The following NUMB variants were observed in gnomAD, a reference collection of about 807,000 sequenced individuals.
NUMB encodes NUMB endocytic adaptor protein, also known as protein numb homolog.
Under a neutral mutation model 59.7 loss-of-function variants are expected in NUMB, and 29 were observed. That is an observed-to-expected ratio of 0.49 (90% CI 0.36 to 0.66). NUMB has a LOEUF of 0.66. NUMB is among the 30% of genes least tolerant of loss of function. The pLI is 0.00. For synonymous variants in NUMB, 288 were observed against 288.2 expected (o/e 1.00, Z 0.01); for missense variants, 723 against 822.0 (o/e 0.88, Z 1.47).
chr14:73,449,709 T>TTTA (rs1883793463), intron 1 of NUMB, among the ~76,000 whole-genome samples: 1 of 105,594 alleles, frequency 9.5e-6, no homozygotes, highest in African/African-American at 3.9e-5. Flanking sequence ...GTGTTTGTTT[T>TTTA]TTGATACAGA....
At chr14:73,406,692 T>C (rs1345218542) in intron 2 of NUMB, among the ~76,000 whole-genome samples, 1 of 152,198 alleles carries the variant, frequency 6.6e-6, no homozygotes, top group East Asian at 1.9e-4. Context: ...GATGGTTGAC[T>C]AGTTTACACT....
chr14:73,437,155 C>T (rs921727025), intron 1 of NUMB, among the ~76,000 whole-genome samples: 2 of 150,234 alleles, frequency 1.3e-5, no homozygotes, highest in African/African-American at 4.9e-5. Flanking sequence ...AAGTGATCCT[C>T]CCACCTCAGC....
At chr14:73,450,621 C>T (rs1361681340) in intron 1 of NUMB, among the ~76,000 whole-genome samples, 1 of 151,588 alleles carries the variant, frequency 6.6e-6, no homozygotes, top group Non-Finnish European at 1.5e-5. Flanking sequence ...ATGGCGGAAC[C>T]CTGTTTCTAC....
chr14:73,391,996 C>A (rs1469362395), intron 2 of NUMB, among the ~76,000 whole-genome samples: 1 of 152,132 alleles, frequency 6.6e-6, no homozygotes, highest in African/African-American at 2.4e-5. Flanking sequence ...CTAAATCACC[C>A]AAGCCAGTCC....
intron 4 of NUMB, among the ~76,000 whole-genome samples, chr14:73,331,953 A>G (rs1041667832): frequency 6.6e-5 from 10 of 152,186 alleles, no homozygotes; most frequent in Admixed American, 2.6e-4. Context: ...CCCCAGCCGT[A>G]TTACTATCCT....
In NUMB at chr14:73,333,388, A is replaced by C. The variant is rs2214664; in HGVS notation, c.127-10184T>G. Among the ~76,000 whole-genome samples, 977 of 151,872 alleles carry C rather than the reference A, an allele frequency of 6.4e-3. 5 individuals are homozygous for C. Among genetic ancestry groups the C allele is most frequent in the African/African-American group, 0.023 (950 of 41,414 alleles). ...GCTAGCTGTATATCTTCTTTAGGTA[A>C]ATTTCTTTTTTTTTATTTTTTAAAT... On this transcript the variant is annotated intron_variant, in intron 4 of 12. Transcript: ENST00000555238.
At chr14:73,377,827 T>C (rs1895028077) in intron 2 of NUMB, among the ~76,000 whole-genome samples, 2 of 151,994 alleles carry the variant, frequency 1.3e-5, no homozygotes, top group South Asian at 4.2e-4. Context: ...ATTAGCCAGG[T>C]GTGTTGGCGG....
chr14:73,367,318 C>CATAT (rs1390209129), intron 2 of NUMB, among the ~76,000 whole-genome samples: 33 of 119,012 alleles, frequency 2.8e-4, no homozygotes, highest in Non-Finnish European at 4.5e-4. Flanking sequence ...CACACACACA[C>CATAT]ACACATATAT....
chr14:73,395,037 T>TTATGTGTG (rs1230785169), intron 2 of NUMB, among the ~76,000 whole-genome samples: 3,868 of 119,978 alleles, frequency 0.032, 160 homozygotes, highest in East Asian at 0.1. Flanking sequence ...ATTCGTGTGT[T>TTATGTGTG]TGTGTGTGTG....
At position 73,456,258 on chromosome 14, in the gene NUMB, C is replaced by T. The variant is rs1296469096; in HGVS notation, c.-233+2235G>A. ...CCAAGTAGCTGGGATTACAGGCACG[C>T]GCCACCACGCCCAGCTAATTTTGTA... is the stretch of plus-strand genomic sequence containing the variant. On this transcript the variant is annotated intron_variant, in intron 1 of 12. Transcript: ENST00000555238. Among the ~76,000 whole-genome samples, 7 of 152,186 alleles carry T rather than the reference C, an allele frequency of 4.6e-5. 2 individuals are homozygous for T. In the South Asian group the frequency reaches 1.0e-3, roughly 23 times the overall value.
At chr14:73,355,793 A>T in intron 3 of NUMB, 27 bp from the exon 4 acceptor site, 2 of 1,539,902 alleles carry the variant, frequency 1.3e-6, no homozygotes, top group Non-Finnish European at 1.8e-6. Flanking sequence ...AAAAATATTT[A>T]AAAGAAATAT....
intron 2 of NUMB, among the ~76,000 whole-genome samples, chr14:73,403,665 C>T (rs1555379085): frequency 6.6e-6 from 1 of 152,146 alleles, no homozygotes; most frequent in Non-Finnish European, 1.5e-5. Flanking sequence ...TATAAGCCTT[C>T]AAGAGATTGG....
chr14:73,406,678 C>G (rs1896686915), intron 2 of NUMB, among the ~76,000 whole-genome samples: 1 of 152,128 alleles, frequency 6.6e-6, no homozygotes, highest in Admixed American at 6.5e-5. Context: ...ACACTGTCTT[C>G]CACGATGGTT....
chr14:73,362,837 G>A (rs1039116564), intron 3 of NUMB, among the ~76,000 whole-genome samples: 3 of 152,084 alleles, frequency 2.0e-5, no homozygotes, highest in South Asian at 2.1e-4. Context: ...TCAAAAAGTG[G>A]AGAAAAGGCC....
At chr14:73,446,981 G>C (rs1158002242) in intron 1 of NUMB, among the ~76,000 whole-genome samples, 1 of 151,698 alleles carries the variant, frequency 6.6e-6, no homozygotes, top group Non-Finnish European at 1.5e-5. Context: ...GAGGTCAGAA[G>C]ATTGAGACTA....
In NUMB at chr14:73,386,063, A is replaced by G. The variant is rs1397243101; in HGVS notation, c.-100-19082T>C. ...TCCTAGGAACCTCCTATTTTTTTTT[A>G]ATAGTTCAAAGTGATTTAAGAAGAA... is the stretch of plus-strand genomic sequence containing the variant. On this transcript the variant is annotated intron_variant, in intron 2 of 12. Coordinates refer to ENST00000555238, the MANE Select transcript of NUMB (RefSeq NM_001005743.2). Among the ~76,000 whole-genome samples, 3 of 151,884 alleles carry G rather than the reference A, an allele frequency of 2.0e-5. No homozygotes were observed. In the East Asian group the frequency reaches 5.8e-4, roughly 29 times the overall value.
intron 2 of NUMB, among the ~76,000 whole-genome samples, chr14:73,401,138 C>A (rs2140116790): frequency 6.6e-6 from 1 of 152,274 alleles, no homozygotes. Context: ...GGATACCCAG[C>A]TGGTGTCTGC....
intron 6 of NUMB, among the ~76,000 whole-genome samples, chr14:73,303,830 T>C (rs1469905377): frequency 6.6e-6 from 1 of 152,178 alleles, no homozygotes; most frequent in Non-Finnish European, 1.5e-5. Context: ...GACAGAACTT[T>C]AGTAACTTGG....
chr14:73,446,246 C>T (rs190474072), intron 1 of NUMB, among the ~76,000 whole-genome samples: 15 of 152,108 alleles, frequency 9.9e-5, no homozygotes, highest in Admixed American at 3.3e-4. Context: ...ATCCTTCTGC[C>T]TCAGCCTTCC....
Sources: allele counts gnomAD v4.1 joint callset (sites outside exome capture counted in the v4.1 genomes callset), GRCh38; gene constraint gnomAD v4.1.1; transcripts MANE v1.5; gene names NCBI Gene and HGNC (gene_info 2026-07-23, HGNC 2026-07-21).